Variants in FAM228B observed in about 807,000 individuals in gnomAD.
FAM228B encodes the protein protein FAM228B.
A neutral mutation model predicts 42.6 loss-of-function variants in FAM228B; 38 were observed. The ratio of observed to expected loss-of-function variants is 0.89; its 90% CI spans 0.69 to 1.17. FAM228B has a LOEUF of 1.17. Among genes scored for constraint, FAM228B ranks in the 50% most tolerant of loss-of-function variants. The probability of loss-of-function intolerance (pLI) is 0.00; values close to 1 mark genes in which losing one functional copy is unlikely to be tolerated. For synonymous variants in FAM228B, 109 were observed against 122.3 expected (o/e 0.89, Z 0.72); for missense variants, 344 against 367.3 (o/e 0.94, Z 0.52).
chr2:24,122,393 T>G (rs1350668730), upstream of FAM228B: 4 of 1,481,612 alleles, frequency 2.7e-6, no homozygotes, highest in Non-Finnish European at 3.8e-6. Flanking sequence ...AAATCAAGTC[T>G]TAGGTCCAAA....
intron 2 of FAM228B, 52 bp from the exon 3 acceptor site, chr2:24,135,067 C>G (rs1286137805): frequency 9.1e-7 from 1 of 1,101,522 alleles, no homozygotes; most frequent in Non-Finnish European, 1.3e-6. Context: ...TTCCAGATAG[C>G]ACTAATAGTT....
intron 2 of FAM228B, among the ~76,000 whole-genome samples, chr2:24,092,825 G>A (rs574023049): frequency 6.6e-6 from 1 of 152,058 alleles, no homozygotes; most frequent in African/African-American, 2.4e-5. Context: ...AGCTATAGCA[G>A]TTGACATCAA....
At chr2:24,101,797 C>T (rs1171405473) in intron 3 of FAM228B, among the ~76,000 whole-genome samples, 4 of 152,178 alleles carry the variant, frequency 2.6e-5, no homozygotes, top group Non-Finnish European at 5.9e-5. Flanking sequence ...ATTCTTCCAC[C>T]TCAGCCTCTT....
chr2:24,135,274 T>C lies in FAM228B; in HGVS notation c.168+87T>C, dbSNP rs1052588489. On this transcript the variant is annotated intron_variant, in intron 3 of 10. Coordinates refer to ENST00000615575, the MANE Select transcript of FAM228B (RefSeq NM_001145710.2). ...TGTAGCATATTCTATAAAAACTATT[T>C]AGAAAATATGGAAAAAAGAATTAAA... 4 of 744,848 alleles carry C rather than the reference T, an allele frequency of 5.4e-6. No homozygotes were observed. In the Admixed American group the frequency reaches 1.4e-4, roughly 26 times the overall value. 46.1% of individuals were successfully genotyped at this position (744,848 alleles called of 1,614,324 possible).
chr2:24,129,868 A>G (rs1175740256), intron 2 of FAM228B, among the ~76,000 whole-genome samples: 1 of 152,132 alleles, frequency 6.6e-6, no homozygotes, highest in Non-Finnish European at 1.5e-5. Flanking sequence ...TTTGTTACAT[A>G]GGTATATATA....
rs10206449 is a variant in FAM228B at position 24,077,362 on chromosome 2, A to G, written c.-290+393A>G. ...AGCGTCAGCTGATCGGGCCTCAGTAATCCCCGCTGCGACGCCCGTCCGGAC... is the reference window on the plus strand; with the variant it reads ...AGCGTCAGCTGATCGGGCCTCAGTAGTCCCCGCTGCGACGCCCGTCCGGAC... On this transcript the variant is annotated intron_variant, in intron 1 of 10. Coordinates refer to the FAM228B transcript ENST00000613899. This position sits in a 1 kb window ranked among gnomAD's most constrained non-coding sequence, Gnocchi z 5.5. 57,610 of 473,578 alleles carry G rather than the reference A, an allele frequency of 0.12. 4,165 individuals are homozygous for G. The highest frequency in any genetic ancestry group is 0.17 in the South Asian group (4,813 of 28,832). The allele number at this position is 473,578 out of a possible 1,614,324, so 29.3% of individuals were successfully genotyped here.
intron 3 of FAM228B, among the ~76,000 whole-genome samples, chr2:24,110,881 C>A (rs554116519): frequency 1.3e-5 from 2 of 151,742 alleles, no homozygotes; most frequent in African/African-American, 4.8e-5. Flanking sequence ...AACTGAGCTC[C>A]TTAACCTGTG....
At chr2:24,157,330 T>G (rs1479965302) in intron 7 of FAM228B, among the ~76,000 whole-genome samples, 3 of 152,210 alleles carry the variant, frequency 2.0e-5, no homozygotes, top group Admixed American at 1.3e-4. Flanking sequence ...TTGTTTCATC[T>G]TCACAGAAAT....
At position 24,124,310 on chromosome 2, in the gene FAM228B, C is replaced by G. The variant is rs1666243444; in HGVS notation, c.-32-20C>G. 2.4e-6 allele frequency: 3 copies of G among 1,226,726 alleles called. No individual in the cohort carries two copies. Among genetic ancestry groups the G allele is most frequent in the Admixed American group, 4.5e-5 (2 of 44,894 alleles). 76.0% of individuals were successfully genotyped at this position (1,226,726 alleles called of 1,614,324 possible). A position where few individuals can be genotyped will look rare whatever the true frequency, so the allele number is the denominator to read the frequency against. Reference sequence around the variant, plus strand: ...TCAGATGACTGTGAAATGTTCAATACTAAATAAGATGATTTTTAGTTTTTC... The same window carrying G: ...TCAGATGACTGTGAAATGTTCAATAGTAAATAAGATGATTTTTAGTTTTTC... On this transcript the variant is annotated intron_variant, in intron 1 of 10. Coordinates refer to ENST00000615575, the MANE Select transcript of FAM228B (RefSeq NM_001145710.2).
chr2:24,143,996 CAAA>C (rs59639444), intron 5 of FAM228B, among the ~76,000 whole-genome samples: 3 of 129,292 alleles, frequency 2.3e-5, no homozygotes, highest in African/African-American at 9.0e-5. Flanking sequence ...CAGCAGTCTC[CAAA>C]AAAAAAAAAA....
Position 24,161,585 on chromosome 2 carries a change from C to G in FAM228B, c.766C>G (p.Gln256Glu), listed in dbSNP as rs2151031172. Residue 256 changes from glutamine to glutamate, a missense_variant, in exon 8 of 11, where the codon CAG (glutamine) becomes GAG (glutamate). Gln to Glu is a conservative substitution (Grantham distance 29). Transcript: ENST00000615575. ...AAGAGCTCCTTATCTTTTGGAATCC[C>G]AGGAAGAAGAAAAAACAGTTATTTA... ...LARAPYLLESQEEEKTVIYKN... is the reference protein window; with the variant it reads ...LARAPYLLESEEEEKTVIYKN... The G allele has an allele frequency of 6.5e-7, 1 of 1,544,496 alleles. No homozygotes were observed. Among genetic ancestry groups the G allele is most frequent in the South Asian group, 1.2e-5 (1 of 83,782 alleles).
intron 8 of FAM228B, among the ~76,000 whole-genome samples, chr2:24,163,696 T>G (rs1447229797): frequency 6.6e-6 from 1 of 152,198 alleles, no homozygotes; most frequent in Non-Finnish European, 1.5e-5. Flanking sequence ...GAGATTTTGT[T>G]CTCAAATACA....
At position 24,167,837 on chromosome 2, in the gene FAM228B, A is replaced by C. The variant is rs1052409277; in HGVS notation, c.*14+154A>C. On this transcript the variant is annotated intron_variant, in intron 10 of 10. Coordinates refer to ENST00000615575, the MANE Select transcript of FAM228B (RefSeq NM_001145710.2). ...GTTCTTACCTATTAATTTTATGATG[A>C]TCTATTTCAGTGTAAGGCATTCTCT... 3.4e-6 allele frequency: 3 copies of C among 873,470 alleles called. No homozygotes were observed. The African/African-American group carries it at 5.0e-5, about 15-fold the overall frequency. 54.1% of individuals were successfully genotyped at this position (873,470 alleles called of 1,614,324 possible). A position where few individuals can be genotyped will look rare whatever the true frequency, so the allele number is the denominator to read the frequency against.
At chr2:24,167,192 G>A (rs1388856292) in intron 9 of FAM228B, among the ~76,000 whole-genome samples, 1 of 152,204 alleles carries the variant, frequency 6.6e-6, no homozygotes, top group Non-Finnish European at 1.5e-5. Flanking sequence ...GGCCAGGTGA[G>A]AGCGAGGGCT....
intron 2 of FAM228B, among the ~76,000 whole-genome samples, chr2:24,086,299 T>G (rs1388998217): frequency 2.0e-5 from 3 of 151,450 alleles, no homozygotes; most frequent in African/African-American, 4.9e-5. Context: ...GATTCAATAG[T>G]TAACCAAATA....
rs1330410796 is a variant in FAM228B at position 24,147,075 on chromosome 2, TAGA to T, written c.678_680del (p.Arg229del). On this transcript the variant is annotated inframe_deletion, in exon 7 of 11. Transcript: ENST00000615575. ...CAAGATACATAGAAAGTGAATTTTG[TAGA>T]AGGAGAAGGTAATGGTTAATATACT... The T allele has an allele frequency of 1.3e-6, 2 of 1,550,164 alleles. No homozygotes were observed. Among genetic ancestry groups the T allele is most frequent in the Non-Finnish European group, 1.7e-6 (2 of 1,146,078 alleles).
intron 2 of FAM228B, among the ~76,000 whole-genome samples, chr2:24,086,339 G>C (rs1344112272): frequency 1.3e-5 from 2 of 151,750 alleles, no homozygotes; most frequent in African/African-American, 4.8e-5. Flanking sequence ...AATTCTACCA[G>C]ATTATACGGA....
At chr2:24,135,309 C>T in intron 3 of FAM228B, 122 bp downstream of exon 3, 1 of 594,008 alleles carries the variant, frequency 1.7e-6, no homozygotes, top group Non-Finnish European at 2.9e-6. Flanking sequence ...AAGAACACTC[C>T]CTTGCACCTG....
chr2:24,079,379 G>T, intron 1 of FAM228B: 3 of 1,538,844 alleles, frequency 1.9e-6, no homozygotes, highest in Non-Finnish European at 2.7e-6. Flanking sequence ...CCTTTCTCGG[G>T]GTAATGTAAA....
Sources: allele counts gnomAD v4.1 joint callset (sites outside exome capture counted in the v4.1 genomes callset), GRCh38; gene constraint gnomAD v4.1.1; non-coding constraint Gnocchi (gnomAD v3.1); transcripts MANE v1.5; gene names NCBI Gene and HGNC (gene_info 2026-07-23, HGNC 2026-07-21).